The following PRKG2 variants were observed in gnomAD, a reference collection of about 807,000 sequenced individuals.
The protein encoded by PRKG2 is cGMP-dependent protein kinase 2.
In PRKG2, 33 loss-of-function variants were observed where a neutral mutation model predicts 97.2. The observed-to-expected ratio is 0.34, with a 90% CI of 0.26 to 0.45. The LOEUF is 0.45. Ranked by LOEUF, PRKG2 falls within the 20% of genes least tolerant of loss-of-function variation. PRKG2 has a pLI of 1.00. For missense variants in PRKG2, 638 were observed against 900.0 expected (o/e 0.71, Z 3.73); for synonymous variants, 330 against 321.8 (o/e 1.03, Z -0.27).
intron 2 of PRKG2, among the ~76,000 whole-genome samples, 192 bp downstream of exon 2, chr4:81,204,395 G>A (rs1234447331): frequency 6.6e-6 from 1 of 151,928 alleles, no homozygotes. Flanking sequence ...GATATATATA[G>A]TACAATTTCT....
At chr4:81,188,191 C>T (rs1175377966) in intron 2 of PRKG2, among the ~76,000 whole-genome samples, 1 of 151,722 alleles carries the variant, frequency 6.6e-6, no homozygotes, top group Non-Finnish European at 1.5e-5. Context: ...AAACAAACAA[C>T]CCCATCAAAC....
At chr4:81,121,808 A>G (rs79941929) in intron 14 of PRKG2, among the ~76,000 whole-genome samples, 3,997 of 152,030 alleles carry the variant, frequency 0.026, 173 homozygotes, top group African/African-American at 0.091. Context: ...ATTCATTCTT[A>G]TATGCTAAGC....
chr4:81,178,600 C>T (rs28810974), intron 2 of PRKG2, among the ~76,000 whole-genome samples: 5,153 of 149,586 alleles, frequency 0.034, 305 homozygotes, highest in African/African-American at 0.12. Context: ...GTTTGCAATC[C>T]GATAAAATGC....
At chr4:81,168,682 T>A (rs112556810) in intron 5 of PRKG2, among the ~76,000 whole-genome samples, 6 of 152,220 alleles carry the variant, frequency 3.9e-5, no homozygotes, top group African/African-American at 1.4e-4. Context: ...AGAACCTGCT[T>A]GTCATTATTG....
chr4:81,092,057 C>T (rs1240981340), intron 18 of PRKG2, among the ~76,000 whole-genome samples: 2 of 151,434 alleles, frequency 1.3e-5, no homozygotes, highest in Non-Finnish European at 2.9e-5. Context: ...TTTAAAATGG[C>T]TATTAGAAAA....
At chr4:81,127,694 T>C (rs1236768635) in intron 14 of PRKG2, among the ~76,000 whole-genome samples, 1 of 152,246 alleles carries the variant, frequency 6.6e-6, no homozygotes, top group African/African-American at 2.4e-5. Flanking sequence ...TCCTGAGACT[T>C]TGCTGAAGTT....
chr4:81,180,090 ACCATTGCACT>A (rs1751278778), intron 2 of PRKG2, among the ~76,000 whole-genome samples: 1 of 152,002 alleles, frequency 6.6e-6, no homozygotes, highest in Admixed American at 6.6e-5. Flanking sequence ...CTGAGATCGC[ACCATTGCACT>A]CCAGCCTGGG....
chr4:81,145,724 G>C (rs956066855), intron 9 of PRKG2, among the ~76,000 whole-genome samples: 1 of 152,086 alleles, frequency 6.6e-6, no homozygotes, highest in Non-Finnish European at 1.5e-5. Flanking sequence ...GTAATTATTA[G>C]GGTACTTCTT....
At chr4:81,200,686 T>G (rs1342985738) in intron 2 of PRKG2, among the ~76,000 whole-genome samples, 1 of 152,210 alleles carries the variant, frequency 6.6e-6, no homozygotes, top group African/African-American at 2.4e-5. Flanking sequence ...AGTACCTGTG[T>G]CCTTACTTCT....
intron 6 of PRKG2, among the ~76,000 whole-genome samples, chr4:81,154,736 T>A (rs887707419): frequency 2.6e-5 from 4 of 152,310 alleles, no homozygotes; most frequent in African/African-American, 9.6e-5. Flanking sequence ...AGGAACGCAG[T>A]TCCTCACTAG....
Position 81,126,166 on chromosome 4 carries a change from C to T in PRKG2, c.1776+8989G>A, listed in dbSNP as rs180817365. Among the ~76,000 whole-genome samples, 3 of 152,198 alleles carry T rather than the reference C, an allele frequency of 2.0e-5. No homozygotes were observed. In the East Asian group the frequency reaches 5.8e-4, roughly 29 times the overall value. On this transcript the variant is annotated intron_variant, in intron 14 of 18. Transcript: ENST00000264399. ...TCCTGTGTTAATTTGCTGAGAATGA[C>T]GGTTTCCAGCTTCATCCATGTCCCT...
At chr4:81,137,603 C>A (rs536674449) in intron 12 of PRKG2, 121 bp from the exon 13 acceptor site, 29 of 737,884 alleles carry the variant, frequency 3.9e-5, no homozygotes, top group Non-Finnish European at 6.2e-5. Context: ...TATAAATACC[C>A]CACAACTACA....
chr4:81,189,345 C>T (rs1260827997), intron 2 of PRKG2, among the ~76,000 whole-genome samples: 3 of 129,922 alleles, frequency 2.3e-5, no homozygotes. Flanking sequence ...TTTATTATTG[C>T]TACATCTTCA....
At chr4:81,094,587 G>C (rs1741929177) in intron 17 of PRKG2, among the ~76,000 whole-genome samples, 1 of 152,062 alleles carries the variant, frequency 6.6e-6, no homozygotes, top group African/African-American at 2.4e-5. Flanking sequence ...TAAGTACAAG[G>C]AAGATAAAAG....
chr4:81,168,504 A>T (rs1046636373), intron 5 of PRKG2, among the ~76,000 whole-genome samples: 1 of 152,078 alleles, frequency 6.6e-6, no homozygotes, highest in Non-Finnish European at 1.5e-5. Context: ...TTCAAATACA[A>T]CCCAGGCACA....
intron 1 of PRKG2, among the ~76,000 whole-genome samples, chr4:81,213,024 A>T (rs550232937): frequency 1.3e-5 from 2 of 152,298 alleles, no homozygotes; most frequent in African/African-American, 4.8e-5. Context: ...TCATTCAGTC[A>T]TTCAAAAAGA....
chr4:81,155,091 T>A (rs1483956600), intron 6 of PRKG2, among the ~76,000 whole-genome samples: 2 of 140,668 alleles, frequency 1.4e-5, no homozygotes, highest in South Asian at 4.5e-4. Flanking sequence ...GGCAGGAGAA[T>A]GGCGTGAACC....
At chr4:81,101,065 A>G (rs1742702793) in intron 17 of PRKG2, among the ~76,000 whole-genome samples, 1 of 151,980 alleles carries the variant, frequency 6.6e-6, no homozygotes, top group African/African-American at 2.4e-5. Context: ...GTCAGGAAAC[A>G]ACAGGTGCTG....
At chr4:81,110,853 C>T (rs948957718) in intron 14 of PRKG2, among the ~76,000 whole-genome samples, 5 of 150,544 alleles carry the variant, frequency 3.3e-5, no homozygotes, top group South Asian at 4.2e-4. Flanking sequence ...AGTTGCACTG[C>T]GGAAAGTTCC....
Sources: gnomAD v4.1 joint callset for allele counts (sites outside exome capture counted in the v4.1 genomes callset) on GRCh38, gnomAD v4.1.1 for gene constraint, MANE v1.5 for transcripts, NCBI Gene and HGNC (gene_info 2026-07-23, HGNC 2026-07-21) for gene names.